The following RNF185 variants were observed in gnomAD, a reference collection of about 807,000 sequenced individuals.
RNF185 encodes E3 ubiquitin-protein ligase RNF185.
A neutral mutation model predicts 24.9 loss-of-function variants in RNF185; 13 were observed. The ratio of observed to expected loss-of-function variants is 0.52; its 90% confidence interval spans 0.34 to 0.83. The LOEUF (loss-of-function observed/expected upper bound fraction) is 0.83. RNF185 is among the 40% of genes least tolerant of loss of function. The pLI, the probability that RNF185 is intolerant of heterozygous loss-of-function variation, is 0.01. For synonymous variants in RNF185, 79 were observed against 90.3 expected (o/e 0.88, Z 0.71); for missense variants, 184 against 244.7 (o/e 0.75, Z 1.65).
At chr22:31,166,364 A>G (rs1239956961) in intron 1 of RNF185, among the ~76,000 whole-genome samples, 3 of 152,112 alleles carry the variant, frequency 2.0e-5, no homozygotes, top group Non-Finnish European at 4.4e-5. Flanking sequence ...CCCTAGCTCT[A>G]GTATCTAGAG....
chr22:31,189,135 A>AAATG (rs1555882536), intron 2 of RNF185, among the ~76,000 whole-genome samples: 2 of 136,872 alleles, frequency 1.5e-5, no homozygotes, highest in Non-Finnish European at 3.1e-5. Flanking sequence ...CAAAAAAAAA[A>AAATG]TGTGTGTGTG....
chr22:31,172,748 C>CA (rs35573590), intron 1 of RNF185, among the ~76,000 whole-genome samples: 67,876 of 97,744 alleles, frequency 0.69, 22,908 homozygotes, highest in Middle Eastern at 0.76. Flanking sequence ...GACCCCGTCT[C>CA]AAAAAAAAAA....
chr22:31,191,644 A>G (rs1034753786), intron 2 of RNF185, among the ~76,000 whole-genome samples: 20 of 152,172 alleles, frequency 1.3e-4, no homozygotes, highest in African/African-American at 4.1e-4. Flanking sequence ...CAGCCTGACT[A>G]ACACGGTGAA....
intron 1 of RNF185, among the ~76,000 whole-genome samples, chr22:31,179,016 G>A (rs938260866): frequency 3.3e-5 from 5 of 152,214 alleles, no homozygotes; most frequent in African/African-American, 9.7e-5. Context: ...GTCCTCATCT[G>A]TAAAATGGCA....
intron 3 of RNF185, among the ~76,000 whole-genome samples, chr22:31,194,712 A>T (rs888256999): frequency 1.3e-5 from 2 of 152,096 alleles, no homozygotes; most frequent in Non-Finnish European, 2.9e-5. Context: ...TGGGTGACAG[A>T]GCAAGACTCT....
intron 2 of RNF185, among the ~76,000 whole-genome samples, chr22:31,188,291 A>G (rs1348222987): frequency 6.6e-6 from 1 of 152,192 alleles, no homozygotes; most frequent in African/African-American, 2.4e-5. Flanking sequence ...ACAGCGTAAA[A>G]CATCAATTTA....
chr22:31,204,538 C>T lies in RNF185; in HGVS notation c.531C>T (p.Leu177=), dbSNP rs761686242. 6.2e-6 allele frequency: 10 copies of T among 1,610,510 alleles called. No individual in the cohort carries two copies. Among genetic ancestry groups the T allele is most frequent in the Non-Finnish European group, 8.5e-6 (10 of 1,176,786 alleles). ...TGGACGAGCAGTTCCTGTCACGCCT[C>T]TTCCTATTTGTGGCCCTGGTGATCA... ...QYVDEQFLSR[L]FLFVALVIMF... is the part of the protein sequence containing the mutation. Residue 177 remains leucine (L), a synonymous_variant, in exon 7 of 7, where the codon CTC becomes CTT. Transcript: ENST00000326132.
At chr22:31,172,748 C>CAAAA (rs35573590) in intron 1 of RNF185, among the ~76,000 whole-genome samples, 5 of 97,656 alleles carry the variant, frequency 5.1e-5, no homozygotes, top group African/African-American at 1.2e-4. Flanking sequence ...GACCCCGTCT[C>CAAAA]AAAAAAAAAA....
At chr22:31,192,725 T>G in intron 3 of RNF185, 23 bp downstream of exon 3, 2 of 1,612,290 alleles carry the variant, frequency 1.2e-6, no homozygotes, top group Non-Finnish European at 1.7e-6. Context: ...TCATTTTACT[T>G]TGTCTTTCAT....
At chr22:31,189,801 G>T (rs1430545477) in intron 2 of RNF185, among the ~76,000 whole-genome samples, 1 of 151,618 alleles carries the variant, frequency 6.6e-6, no homozygotes, top group Non-Finnish European at 1.5e-5. Flanking sequence ...TCACCATGTT[G>T]GCCAGGATGG....
chr22:31,174,389 TTA>T (rs1283490256), intron 1 of RNF185, among the ~76,000 whole-genome samples: 1 of 152,162 alleles, frequency 6.6e-6, no homozygotes, highest in African/African-American at 2.4e-5. Flanking sequence ...ATTTTTTTTT[TTA>T]ATTTAAGAAA....
chr22:31,180,239 G>C (rs532268028), intron 1 of RNF185, among the ~76,000 whole-genome samples: 2 of 152,256 alleles, frequency 1.3e-5, no homozygotes, highest in Non-Finnish European at 2.9e-5. Flanking sequence ...GAGGTGGGTG[G>C]ATCACCTGAG....
chr22:31,196,922 C>G lies in RNF185; in HGVS notation c.309-14C>G. ...AATTTGTAATAGACTTATTTTACAC[C>G]ATTTCTGTTTCAGAGAGAAGACCCC... On this transcript the variant is annotated splice_polypyrimidine_tract_variant and intron_variant, in intron 4 of 6. Transcript: ENST00000326132. 6.2e-7 allele frequency: 1 copy of G among 1,611,368 alleles called. No individual in the cohort carries two copies. The highest frequency in any genetic ancestry group is 8.5e-7 in the Non-Finnish European group (1 of 1,179,044).
intron 5 of RNF185, among the ~76,000 whole-genome samples, chr22:31,199,892 A>G: frequency 6.6e-6 from 1 of 152,216 alleles, no homozygotes; most frequent in African/African-American, 2.4e-5. Context: ...GAGAGCAGCT[A>G]TTTTTGTGAC....
At chr22:31,182,176 A>G (rs2048045232) in intron 1 of RNF185, among the ~76,000 whole-genome samples, 2 of 150,942 alleles carry the variant, frequency 1.3e-5, no homozygotes, top group Admixed American at 6.6e-5. Flanking sequence ...CAGCAGCACA[A>G]TCACGGCTCA....
intron 1 of RNF185, among the ~76,000 whole-genome samples, chr22:31,185,323 A>G (rs1270866228): frequency 6.6e-6 from 1 of 152,164 alleles, no homozygotes; most frequent in Non-Finnish European, 1.5e-5. Context: ...CTCTGAGTCC[A>G]CCGTGTGAAG....
chr22:31,204,352 AAAAAG>A (rs912230097), intron 6 of RNF185, 132 bp from the exon 7 acceptor site: 7 of 642,192 alleles, frequency 1.1e-5, no homozygotes, highest in Non-Finnish European at 2.0e-5. Flanking sequence ...CAAAAAAAAA[AAAAAG>A]AAATCTTTTT....
chr22:31,190,729 A>G lies in RNF185; in HGVS notation c.177-1955A>G, dbSNP rs759474261. ...AGTGATTCTCGTGCTTCAGCCTCCT[A>G]TGTAGCTGGGATTACAGGCATGTGC... On this transcript the variant is annotated intron_variant, in intron 2 of 6. Transcript: ENST00000326132. Among the ~76,000 whole-genome samples, 71 of 150,666 alleles carry G rather than the reference A, an allele frequency of 4.7e-4. 2 individuals carry two copies. Among genetic ancestry groups the G allele is most frequent in the African/African-American group, 5.9e-4 (24 of 40,852 alleles).
intron 5 of RNF185, among the ~76,000 whole-genome samples, chr22:31,198,819 G>A (rs886392154): frequency 6.7e-6 from 1 of 148,746 alleles, no homozygotes; most frequent in Non-Finnish European, 1.5e-5. Context: ...TCTCGGCTGG[G>A]CGTGGTGGCT....
Sources: allele counts gnomAD v4.1 joint callset (sites outside exome capture counted in the v4.1 genomes callset), GRCh38; gene constraint gnomAD v4.1.1; transcripts MANE v1.5; gene names NCBI Gene and HGNC (gene_info 2026-07-23, HGNC 2026-07-21).